Variants in NDST3 observed in about 807,000 individuals in gnomAD.
NDST3 encodes bifunctional heparan sulfate N-deacetylase/N-sulfotransferase 3.
NDST3 carries 58 observed loss-of-function variants against 96.1 expected under a neutral mutation model. The observed-to-expected ratio is 0.60, with a 90% CI of 0.49 to 0.75. The LOEUF (loss-of-function observed/expected upper bound fraction) is 0.75. NDST3 is among the 30% of genes least tolerant of loss of function. The pLI, the probability that NDST3 is intolerant of heterozygous loss-of-function variation, is 0.00. For missense variants in NDST3, 788 were observed against 1,034.2 expected, an observed-to-expected ratio of 0.76 and a Z score of 3.27; for synonymous variants, 333 against 359.7, an observed-to-expected ratio of 0.93 and a Z score of 0.84.
chr4:118,254,163 T>C (rs28711185), intron 13 of NDST3, among the ~76,000 whole-genome samples: 60 of 151,666 alleles, frequency 4.0e-4, no homozygotes, highest in African/African-American at 1.4e-3. Context: ...GAGGATCGCT[T>C]GAACCTGGGA....
intron 2 of NDST3, among the ~76,000 whole-genome samples, chr4:118,084,380 T>C (rs1728257440): frequency 6.6e-6 from 1 of 152,224 alleles, no homozygotes; most frequent in Non-Finnish European, 1.5e-5. Flanking sequence ...GTATCCACGA[T>C]GTGTTAGGCC....
chr4:118,219,078 A>G (rs1339792630), intron 6 of NDST3, among the ~76,000 whole-genome samples: 1 of 152,198 alleles, frequency 6.6e-6, no homozygotes, highest in African/African-American at 2.4e-5. Context: ...CCTCATGGAT[A>G]GGAAGAATCA....
intron 3 of NDST3, among the ~76,000 whole-genome samples, chr4:118,113,726 T>C (rs572596390): frequency 7.9e-5 from 12 of 152,208 alleles, no homozygotes; most frequent in South Asian, 2.1e-4. Context: ...AGAGCTGCCA[T>C]TGAAAATATG....
In NDST3 at chr4:118,251,088, T is replaced by TTTTATTTATTTA. The variant is rs372261437; in HGVS notation, c.2400-2392_2400-2381dup. ...ATTTTTATAATTTTAGCTATAAATTTTTTATTTATTTATTTATTTATTTAT... is the reference window on the plus strand; with the variant it reads ...ATTTTTATAATTTTAGCTATAAATTTTTTATTTATTTATTTATTTATTTATTTATTTATTTAT... On this transcript the variant is annotated intron_variant, in intron 12 of 13. Transcript: ENST00000296499. Among the ~76,000 whole-genome samples the TTTTATTTATTTA allele has an allele frequency of 2.2e-3, 304 of 140,032 alleles. 1 individual carries two copies. The highest frequency in any genetic ancestry group is 0.011 in the Middle Eastern group (3 of 262). The allele number at this position is 140,032 out of a possible 152,430, so 91.9% of individuals were successfully genotyped here.
chr4:118,047,892 T>G (rs1724860425), intron 1 of NDST3, among the ~76,000 whole-genome samples: 2 of 152,096 alleles, frequency 1.3e-5, no homozygotes, highest in African/African-American at 4.8e-5. Context: ...GGCTGCATAC[T>G]ATATGAGATA....
chr4:118,136,540 G>A (rs1488805433), intron 4 of NDST3, among the ~76,000 whole-genome samples: 1 of 152,150 alleles, frequency 6.6e-6, no homozygotes. Context: ...TTTTAGTGGA[G>A]TTCTAAATAT....
chr4:118,066,174 T>TATACATA (rs1726351179), intron 2 of NDST3, among the ~76,000 whole-genome samples: 1 of 22,290 alleles, frequency 4.5e-5, no homozygotes, highest in Non-Finnish European at 1.2e-4. Flanking sequence ...TATTATATTT[T>TATACATA]ATATATTATA....
At chr4:118,047,151 T>A (rs969443114) in intron 1 of NDST3, among the ~76,000 whole-genome samples, 1 of 152,206 alleles carries the variant, frequency 6.6e-6, no homozygotes, top group Non-Finnish European at 1.5e-5. Flanking sequence ...CCAAAAATAT[T>A]TTGCTACTAT....
At chr4:118,061,126 C>T (rs946241657) in intron 2 of NDST3, among the ~76,000 whole-genome samples, 34 of 152,152 alleles carry the variant, frequency 2.2e-4, no homozygotes, top group South Asian at 2.1e-4. Context: ...CTCTGCTACA[C>T]GCCCAGCTCC....
intron 4 of NDST3, among the ~76,000 whole-genome samples, chr4:118,116,824 C>G (rs1370883090): frequency 4.0e-5 from 6 of 151,444 alleles, no homozygotes; most frequent in Non-Finnish European, 8.8e-5. Context: ...CACCACTGCA[C>G]TCCAGCCTGG....
intron 6 of NDST3, among the ~76,000 whole-genome samples, chr4:118,170,290 T>C (rs757841048): frequency 3.5e-4 from 53 of 152,190 alleles, no homozygotes; most frequent in Admixed American, 6.5e-4. Flanking sequence ...CCAGTTTTCT[T>C]AGGTGTGATG....
At chr4:118,138,371 C>T (rs969806211) in intron 5 of NDST3, 132 bp downstream of exon 5, 106 of 649,346 alleles carry the variant, frequency 1.6e-4, no homozygotes, top group Non-Finnish European at 3.9e-5. Flanking sequence ...GCATATTTGT[C>T]ATATCTAAGC....
At chr4:118,251,213 G>A (rs1294015908) in intron 12 of NDST3, among the ~76,000 whole-genome samples, 7 of 143,878 alleles carry the variant, frequency 4.9e-5, no homozygotes, top group East Asian at 4.1e-4. Context: ...TGCAAGCTCC[G>A]CCTCCCGGGT....
intron 6 of NDST3, among the ~76,000 whole-genome samples, chr4:118,169,230 A>C (rs1232919177): frequency 6.6e-6 from 1 of 152,192 alleles, no homozygotes; most frequent in East Asian, 1.9e-4. Flanking sequence ...TATATTCTAT[A>C]AAACAAATAG....
chr4:118,143,416 T>C (rs764629361), intron 5 of NDST3, 140 bp from the exon 6 acceptor site: 1 of 741,326 alleles, frequency 1.3e-6, no homozygotes, highest in Non-Finnish European at 2.1e-6. Context: ...TTGCCTAGAG[T>C]ATGATAGATT....
chr4:118,245,249 T>C (rs1478502643), intron 12 of NDST3, among the ~76,000 whole-genome samples: 2 of 152,246 alleles, frequency 1.3e-5, no homozygotes, highest in Non-Finnish European at 2.9e-5. Context: ...TCTTCATGTT[T>C]AGAAATACTA....
chr4:118,078,587 C>T lies in NDST3; in HGVS notation c.981+23696C>T, dbSNP rs150769442. ...CCAACATGGTGAAACCCTGTCTCTA[C>T]TAAATACAAAAATTAGTTGGGCGTG... On this transcript the variant is annotated intron_variant, in intron 2 of 13. Coordinates refer to ENST00000296499, the MANE Select transcript of NDST3 (RefSeq NM_004784.3). Among the ~76,000 whole-genome samples, 1,009 of 152,076 alleles carry T rather than the reference C, an allele frequency of 6.6e-3. 8 individuals are homozygous for T. The highest frequency in any genetic ancestry group is 0.023 in the African/African-American group (967 of 41,494).
At position 118,230,237 on chromosome 4, in the gene NDST3, G is replaced by T. The variant is rs1417703228; in HGVS notation, c.1820-2775G>T. On this transcript the variant is annotated intron_variant, in intron 8 of 13. Transcript: ENST00000296499. ...GTTATTCTAAGTCAGTGATTCTCAA[G>T]GGTGGTTGCCAGAGCAGCAACATAA... Among the ~76,000 whole-genome samples, 3 of 152,260 alleles carry T rather than the reference G, an allele frequency of 2.0e-5. No individual in the cohort carries two copies. In the East Asian group the frequency reaches 5.8e-4, roughly 29 times the overall value.
chr4:118,147,300 A>G (rs1734018238), intron 6 of NDST3, among the ~76,000 whole-genome samples: 1 of 152,162 alleles, frequency 6.6e-6, no homozygotes. Flanking sequence ...TTGATTAAGG[A>G]TGGTAATGAG....
Sources: allele counts gnomAD v4.1 joint callset (sites outside exome capture counted in the v4.1 genomes callset), GRCh38; gene constraint gnomAD v4.1.1; transcripts MANE v1.5; gene names NCBI Gene and HGNC (gene_info 2026-07-23, HGNC 2026-07-21).